The following PTPRQ variants were observed in gnomAD, a reference collection of about 807,000 sequenced individuals.
The protein encoded by PTPRQ is protein tyrosine phosphatase receptor type Q.
Under a neutral mutation model 246.0 loss-of-function variants are expected in PTPRQ, and 199 were observed. That is an observed-to-expected ratio of 0.81 (90% CI 0.72 to 0.91). The LOEUF is 0.91. Ranked by LOEUF, PTPRQ falls within the 40% of genes least tolerant of loss-of-function variation. The pLI, the probability that PTPRQ is intolerant of heterozygous loss-of-function variation, is 0.00. For synonymous variants in PTPRQ, 869 were observed against 853.2 expected (o/e 1.02, Z -0.32); for missense variants, 2,624 against 2,528.4 (o/e 1.04, Z -0.81).
At chr12:80,475,621 T>C (rs1252552680) in intron 8 of PTPRQ, among the ~76,000 whole-genome samples, 1 of 152,052 alleles carries the variant, frequency 6.6e-6, no homozygotes, top group African/African-American at 2.4e-5. Context: ...GATACAATGC[T>C]GTTGACTCCA....
chr12:80,600,841 A>G (rs1178749217), intron 26 of PTPRQ, among the ~76,000 whole-genome samples: 1 of 151,838 alleles, frequency 6.6e-6, no homozygotes, highest in Non-Finnish European at 1.5e-5. Context: ...AAAAGAAGAC[A>G]TTAACGCTGG....
At chr12:80,509,044 A>G (rs1347371855) in intron 16 of PTPRQ, among the ~76,000 whole-genome samples, 3 of 152,048 alleles carry the variant, frequency 2.0e-5, no homozygotes, top group African/African-American at 7.2e-5. Flanking sequence ...AATGAAAGAG[A>G]ATTTTCAGAG....
In PTPRQ at chr12:80,632,228, T is replaced by C. The variant is rs1899467303; in HGVS notation, c.5723T>C (p.Leu1908Pro). 1 of 1,551,384 alleles carries C rather than the reference T, an allele frequency of 6.4e-7. No homozygotes were observed. The highest frequency in any genetic ancestry group is 1.4e-5 in the African/African-American group (1 of 73,032). Residue 1908 changes from leucine to proline, a missense_variant, in exon 34 of 45, where the codon CTT becomes CCT. Physicochemically the swap from Leu to Pro is moderately conservative, Grantham distance 98. Coordinates refer to ENST00000644991, the MANE Select transcript of PTPRQ (RefSeq NM_001145026.2). The stretch of plus-strand genomic sequence containing the variant: ...TCAGAAAGAACCGTAGAGATCATTC[T>C]TTCCGTCACTTTGTGTATCCTTTCA... Reference protein sequence around the residue: ...GLSERTVEIILSVTLCILSII... With the variant: ...GLSERTVEIIPSVTLCILSII...
chr12:80,454,562 C>T, intron 3 of PTPRQ: 1 of 702,378 alleles, frequency 1.4e-6, no homozygotes, highest in Non-Finnish European at 2.6e-6. Flanking sequence ...TAGGGATAAT[C>T]CTTTAAACTT....
chr12:80,610,775 A>T, intron 28 of PTPRQ, 150 bp downstream of exon 28: 1 of 909,656 alleles, frequency 1.1e-6, no homozygotes, highest in Non-Finnish European at 1.6e-6. Context: ...GCAACTGACA[A>T]AAAGGAAGAT....
chr12:80,644,478 T>A (rs765136751), intron 35 of PTPRQ, among the ~76,000 whole-genome samples: 4 of 152,074 alleles, frequency 2.6e-5, no homozygotes, highest in South Asian at 2.1e-4. Context: ...AGTTTTTTTT[T>A]AAGTTTTTAA....
chr12:80,458,852 T>C (rs912850256), intron 4 of PTPRQ, among the ~76,000 whole-genome samples: 6 of 152,140 alleles, frequency 3.9e-5, no homozygotes, highest in African/African-American at 1.4e-4. Flanking sequence ...GGGTATCCAC[T>C]TGATATTAGG....
chr12:80,489,359 T>C (rs1894374512), intron 9 of PTPRQ, among the ~76,000 whole-genome samples: 2 of 66,748 alleles, frequency 3.0e-5, no homozygotes, highest in African/African-American at 9.0e-5. Flanking sequence ...GAGATAAAAA[T>C]CATCTATCTC....
At chr12:80,670,842 AC>A (rs1166370199) in intron 42 of PTPRQ, among the ~76,000 whole-genome samples, 1 of 152,082 alleles carries the variant, frequency 6.6e-6, no homozygotes, top group African/African-American at 2.4e-5. Flanking sequence ...TCTAATGGGT[AC>A]AGACCTTCTA....
intron 25 of PTPRQ, among the ~76,000 whole-genome samples, chr12:80,574,178 T>C (rs1897224516): frequency 6.6e-6 from 1 of 152,208 alleles, no homozygotes; most frequent in Non-Finnish European, 1.5e-5. Context: ...GGACACTTCT[T>C]GTATTAAGGC....
In PTPRQ at chr12:80,541,525, T is replaced by A. The variant is rs781566008; in HGVS notation, c.3155-30T>A. 13 of 1,408,264 alleles carry A rather than the reference T, an allele frequency of 9.2e-6. No individual in the cohort carries two copies. In the South Asian group the frequency reaches 2.2e-4, roughly 24 times the overall value. 87.2% of individuals were successfully genotyped at this position (1,408,264 alleles called of 1,614,324 possible). A position where few individuals can be genotyped will look rare whatever the true frequency, so the allele number is the denominator to read the frequency against. On this transcript the variant is annotated intron_variant, in intron 20 of 44. Transcript: ENST00000644991. ...AGATTCTGTTTAGGGTAACTGATGA[T>A]TTTTGTATTTTGCCCATTACCTATC...
intron 25 of PTPRQ, among the ~76,000 whole-genome samples, chr12:80,550,261 T>C (rs1034726831): frequency 6.6e-6 from 1 of 152,174 alleles, no homozygotes; most frequent in Admixed American, 6.6e-5. Context: ...TGCTCTGTCC[T>C]GTATCATAAT....
chr12:80,660,617 G>A (rs1900597898), intron 39 of PTPRQ, among the ~76,000 whole-genome samples: 1 of 152,012 alleles, frequency 6.6e-6, no homozygotes, highest in South Asian at 2.1e-4. Context: ...TATCTCTCCT[G>A]TCAATTTCAG....
At chr12:80,548,002 G>A (rs1187325585) in intron 24 of PTPRQ, among the ~76,000 whole-genome samples, 1 of 152,106 alleles carries the variant, frequency 6.6e-6, no homozygotes, top group Admixed American at 6.6e-5. Flanking sequence ...GGACATGACT[G>A]CAGGAAATGC....
chr12:80,484,681 A>T, intron 9 of PTPRQ, 76 bp downstream of exon 9: 1 of 1,500,508 alleles, frequency 6.7e-7, no homozygotes, highest in Non-Finnish European at 8.9e-7. Flanking sequence ...AAGATTTGCT[A>T]GCACCCACAC....
At chr12:80,614,732 C>T (rs938849083) in intron 29 of PTPRQ, among the ~76,000 whole-genome samples, 1 of 150,784 alleles carries the variant, frequency 6.6e-6, no homozygotes, top group African/African-American at 2.4e-5. Context: ...CAAATACTGG[C>T]GTCTGTGCCA....
intron 39 of PTPRQ, among the ~76,000 whole-genome samples, chr12:80,667,352 A>G (rs1900819892): frequency 6.6e-6 from 1 of 151,992 alleles, no homozygotes; most frequent in Non-Finnish European, 1.5e-5. Flanking sequence ...TAAGTGAAAT[A>G]AGCCAGGAAC....
rs898689070 is a variant in PTPRQ at position 80,635,085 on chromosome 12, C to T, written c.5915+12C>T. On this transcript the variant is annotated intron_variant, in intron 35 of 44. Coordinates refer to ENST00000644991, the MANE Select transcript of PTPRQ (RefSeq NM_001145026.2). ...GAGAGATTAACGCGGTGAGCACACT[C>T]CTCTGGGTGAACTGTGGTCCAGAGG... 6.5e-7 allele frequency: 1 copy of T among 1,549,256 alleles called. No homozygotes were observed. The highest frequency in any genetic ancestry group is 8.7e-7 in the Non-Finnish European group (1 of 1,146,130).
chr12:80,613,881 G>T, intron 29 of PTPRQ, 45 bp downstream of exon 29: 1 of 1,442,098 alleles, frequency 6.9e-7, no homozygotes. Flanking sequence ...GACAATGTCA[G>T]TTTATGAACT....
Sources: allele counts gnomAD v4.1 joint callset (sites outside exome capture counted in the v4.1 genomes callset), GRCh38; gene constraint gnomAD v4.1.1; transcripts MANE v1.5; gene names NCBI Gene and HGNC (gene_info 2026-07-23, HGNC 2026-07-21).